The following ZFHX3 variants were observed in gnomAD, a reference collection of about 807,000 sequenced individuals.
ZFHX3 encodes the protein zinc finger homeobox protein 3.
ZFHX3 carries 42 observed loss-of-function variants against 279.1 expected under a neutral mutation model. The ratio of observed to expected loss-of-function variants is 0.15; its 90% CI spans 0.12 to 0.19. The LOEUF is 0.19. Among genes scored for constraint, ZFHX3 ranks in the 10% least tolerant of loss-of-function variants. The pLI, the probability that ZFHX3 is intolerant of heterozygous loss-of-function variation, is 1.00. For synonymous variants in ZFHX3, 2,293 were observed against 1,957.8 expected (o/e 1.17, Z -4.52); for missense variants, 4,981 against 4,754.0 (o/e 1.05, Z -1.40).
At chr16:73,225,109 G>A (rs2012551580) in intron 5 of ZFHX3, among the ~76,000 whole-genome samples, 1 of 152,042 alleles carries the variant, frequency 6.6e-6, no homozygotes, top group Non-Finnish European at 1.5e-5. Flanking sequence ...TTTTATATAT[G>A]CATACATGTT....
intron 2 of ZFHX3, among the ~76,000 whole-genome samples, chr16:73,553,341 G>C (rs749810021): frequency 6.6e-6 from 1 of 152,004 alleles, no homozygotes; most frequent in Non-Finnish European, 1.5e-5. Context: ...TCACAAGAAG[G>C]TCACTAGGAT....
intron 1 of ZFHX3, among the ~76,000 whole-genome samples, chr16:73,765,234 T>C (rs1004620046): frequency 6.6e-6 from 1 of 152,060 alleles, no homozygotes; most frequent in African/African-American, 2.4e-5. Context: ...TACCTAAGGG[T>C]TAGAAAAAAA....
chr16:73,468,979 A>G (rs1342118770), intron 2 of ZFHX3, among the ~76,000 whole-genome samples: 1 of 152,236 alleles, frequency 6.6e-6, no homozygotes, highest in African/African-American at 2.4e-5. Context: ...TTAGAATTTA[A>G]CAAGCAAAGT....
chr16:73,437,116 T>C (rs962591921), intron 3 of ZFHX3, among the ~76,000 whole-genome samples: 34 of 152,138 alleles, frequency 2.2e-4, no homozygotes, highest in African/African-American at 6.0e-4. Flanking sequence ...AAACTTAATT[T>C]TGGAGTAATA....
chr16:73,397,884 A>G (rs1597317841), intron 3 of ZFHX3, among the ~76,000 whole-genome samples: 1 of 152,194 alleles, frequency 6.6e-6, no homozygotes, highest in South Asian at 2.1e-4. Flanking sequence ...TCCCTCTGCC[A>G]CCCAGGCTGG....
intron 6 of ZFHX3, among the ~76,000 whole-genome samples, chr16:73,141,694 T>C (rs989355944): frequency 6.6e-6 from 1 of 152,200 alleles, no homozygotes; most frequent in Non-Finnish European, 1.5e-5. Context: ...CATCACATCA[T>C]GCTCAGCTAA....
chr16:73,161,784 T>C (rs955654459), intron 5 of ZFHX3, among the ~76,000 whole-genome samples: 18 of 152,188 alleles, frequency 1.2e-4, no homozygotes, highest in Non-Finnish European at 2.5e-4. Context: ...TTTTCTGCAG[T>C]GGGCAAATTT....
intron 1 of ZFHX3, among the ~76,000 whole-genome samples, chr16:72,972,817 C>T (rs1962165521): frequency 2.0e-5 from 3 of 152,144 alleles, no homozygotes; most frequent in Admixed American, 2.0e-4. Context: ...CTCCTCCCAC[C>T]TCTGTCATCT....
chr16:72,866,333 G>A (rs1221889276), intron 4 of ZFHX3, among the ~76,000 whole-genome samples: 1 of 152,176 alleles, frequency 6.6e-6, no homozygotes, highest in Non-Finnish European at 1.5e-5. Flanking sequence ...GATTAATGAG[G>A]TAGACCCCCT....
At chr16:73,622,112 G>A (rs948411808) in intron 2 of ZFHX3, among the ~76,000 whole-genome samples, 1 of 152,156 alleles carries the variant, frequency 6.6e-6, no homozygotes, top group East Asian at 1.9e-4. Flanking sequence ...AATTTAACAT[G>A]TAACTTTTGT....
chr16:72,890,877 G>C lies in ZFHX3; in HGVS notation c.3217-915C>G, dbSNP rs534610771. 2.0e-5 allele frequency among the ~76,000 whole-genome samples: 3 copies of C among 152,332 alleles called. No homozygotes were observed. The South Asian group carries it at 6.2e-4, about 32-fold the overall frequency. On this transcript the variant is annotated intron_variant, in intron 3 of 9. Coordinates refer to ENST00000268489, the MANE Select transcript of ZFHX3 (RefSeq NM_006885.4). ...ATCAGAGTTGAACAGTTATGACAGA[G>C]ATGGTATAGTCCACAAAGTCTAGAT...
intron 4 of ZFHX3, among the ~76,000 whole-genome samples, chr16:72,839,197 C>G (rs1286988540): frequency 1.3e-5 from 2 of 151,016 alleles, no homozygotes; most frequent in Non-Finnish European, 3.0e-5. Context: ...CTCTCCCTTC[C>G]CCCCCCCATT....
intron 1 of ZFHX3, among the ~76,000 whole-genome samples, chr16:73,774,030 C>A (rs560405232): frequency 3.9e-5 from 6 of 151,974 alleles, no homozygotes; most frequent in African/African-American, 1.4e-4. Context: ...CCCAGCTACT[C>A]GGGAGCTTAG....
intron 2 of ZFHX3, among the ~76,000 whole-genome samples, chr16:73,530,271 C>G (rs2019775862): frequency 6.6e-6 from 1 of 152,088 alleles, no homozygotes; most frequent in Non-Finnish European, 1.5e-5. Flanking sequence ...AAATTGCCCC[C>G]CTACTTATCT....
At chr16:73,593,825 A>C (rs951846164) in intron 2 of ZFHX3, among the ~76,000 whole-genome samples, 1 of 152,230 alleles carries the variant, frequency 6.6e-6, no homozygotes, top group Non-Finnish European at 1.5e-5. Context: ...CAAAAACGAG[A>C]GAACTTGATA....
rs1555505987 is a variant in ZFHX3 at position 73,871,494 on chromosome 16, A to AG, written c.-1608+20156_-1608+20157insC. On this transcript the variant is annotated intron_variant, in intron 1 of 17. Transcript: ENST00000641206. ...TCCCTGGGAGGACAATAAAAAAAAAAAGAGAGAGAGAGAGAGAGAGTGTGT... is the reference window on the plus strand; with the variant it reads ...TCCCTGGGAGGACAATAAAAAAAAAAGAGAGAGAGAGAGAGAGAGAGTGTGT... 4.1e-4 allele frequency among the ~76,000 whole-genome samples: 62 copies of AG among 149,634 alleles called. No homozygotes were observed. In the South Asian group the frequency reaches 7.8e-3, roughly 19 times the overall value.
chr16:73,446,766 C>G (rs12598158), intron 3 of ZFHX3, among the ~76,000 whole-genome samples: 91,321 of 151,880 alleles, frequency 0.6, 28,661 homozygotes, highest in Non-Finnish European at 0.72. Context: ...AGAGAATCAG[C>G]AAAAATCAAC....
chr16:73,021,861 C>T (rs1396297192), intron 1 of ZFHX3, among the ~76,000 whole-genome samples: 2 of 146,526 alleles, frequency 1.4e-5, no homozygotes, highest in African/African-American at 5.0e-5. Flanking sequence ...AAATCAATGA[C>T]TGGTACCCTT....
At chr16:73,488,306 A>G (rs2019007016) in intron 2 of ZFHX3, among the ~76,000 whole-genome samples, 1 of 152,164 alleles carries the variant, frequency 6.6e-6, no homozygotes, top group Admixed American at 6.5e-5. Context: ...TGGGTGGCAA[A>G]GGAAGGAGGG....
Sources: allele counts gnomAD v4.1 joint callset (sites outside exome capture counted in the v4.1 genomes callset), GRCh38; gene constraint gnomAD v4.1.1; transcripts MANE v1.5; gene names NCBI Gene and HGNC (gene_info 2026-07-23, HGNC 2026-07-21).